LDAF1: variants seen among roughly 807,000 people sequenced by gnomAD.
LDAF1 encodes PROMETHIN.
Under a neutral mutation model 13.5 loss-of-function variants are expected in LDAF1, and 7 were observed. The observed-to-expected ratio is 0.52, with a 90% CI of 0.29 to 0.97. LDAF1 has a LOEUF of 0.97. Ranked by LOEUF, LDAF1 falls within the 50% of genes least tolerant of loss-of-function variation. LDAF1 has a pLI of 0.07. For synonymous variants in LDAF1, 69 were observed against 77.1 expected, an observed-to-expected ratio of 0.89 and a Z score of 0.55; for missense variants, 148 against 193.2, an observed-to-expected ratio of 0.77 and a Z score of 1.39.
chr16:21,170,382 C>A, intron 2 of LDAF1, 55 bp from the exon 3 acceptor site: 1 of 1,603,952 alleles, frequency 6.2e-7, no homozygotes, highest in South Asian at 1.1e-5. Context: ...CAGATTCATT[C>A]AACCTGGGGT....
In LDAF1 at chr16:21,179,628, G is replaced by A; in HGVS notation, c.*72G>A. On this transcript the variant is annotated 3_prime_UTR_variant, in exon 5 of 5. Coordinates refer to ENST00000233047, the MANE Select transcript of LDAF1 (RefSeq NM_001301771.2). ...ACTCACCCCTTGGGATTATGGCTTA[G>A]AAGAAGGGGGCTGGGTAGGCAAGCA... 1 of 1,393,714 alleles carries A rather than the reference G, an allele frequency of 7.2e-7. No homozygotes were observed. The highest frequency in any genetic ancestry group is 1.0e-6 in the Non-Finnish European group (1 of 1,001,346). The allele number at this position is 1,393,714 out of a possible 1,614,324, so 86.3% of individuals were successfully genotyped here. A position where few individuals can be genotyped will look rare whatever the true frequency, so the allele number is the denominator to read the frequency against.
intron 2 of LDAF1, 192 bp from the exon 3 acceptor site, chr16:21,170,245 C>A: frequency 1.1e-6 from 1 of 950,882 alleles, no homozygotes; most frequent in Non-Finnish European, 1.3e-6. Flanking sequence ...TCAGGTGATC[C>A]GCTCGCCTTG....
chr16:21,177,619 C>CT (rs1025169859), intron 4 of LDAF1, among the ~76,000 whole-genome samples: 35,875 of 115,880 alleles, frequency 0.31, 6,315 homozygotes, highest in Non-Finnish European at 0.33. Context: ...TTAGCGAATT[C>CT]TTTTTTTTTT....
chr16:21,164,980 G>A (rs1029987879), intron 2 of LDAF1, among the ~76,000 whole-genome samples: 1 of 152,244 alleles, frequency 6.6e-6, no homozygotes, highest in Non-Finnish European at 1.5e-5. Flanking sequence ...CAGCACCTGA[G>A]TGTTTAATGA....
intron 2 of LDAF1, among the ~76,000 whole-genome samples, chr16:21,165,974 C>T (rs2093020228): frequency 6.6e-6 from 1 of 152,096 alleles, no homozygotes; most frequent in South Asian, 2.1e-4. Flanking sequence ...ATTCTCCCGC[C>T]TCAGCCTCCC....
intron 2 of LDAF1, among the ~76,000 whole-genome samples, chr16:21,168,898 TTA>T (rs1463734275): frequency 1.5e-5 from 2 of 135,672 alleles, no homozygotes; most frequent in Admixed American, 7.9e-5. Flanking sequence ...ATATTTATAT[TTA>T]TATATTTATA....
At chr16:21,179,401 T>C (rs2093164570) in intron 4 of LDAF1, 74 bp from the exon 5 acceptor site, 1 of 1,611,966 alleles carries the variant, frequency 6.2e-7, no homozygotes, top group East Asian at 2.2e-5. Context: ...CATCATGTAT[T>C]CAGCTATGCA....
chr16:21,178,419 G>A (rs2093157897), intron 4 of LDAF1: 2 of 984,228 alleles, frequency 2.0e-6, no homozygotes, highest in African/African-American at 1.7e-5. Flanking sequence ...GAATGGTTTA[G>A]GTGGCAAATA....
At chr16:21,171,429 A>G (rs2093087629) in intron 3 of LDAF1, among the ~76,000 whole-genome samples, 1 of 152,212 alleles carries the variant, frequency 6.6e-6, no homozygotes, top group Non-Finnish European at 1.5e-5. Context: ...TTGAAGGAGA[A>G]AGTAGGCATG....
chr16:21,170,244 C>A, intron 2 of LDAF1, 193 bp from the exon 3 acceptor site: 1 of 944,834 alleles, frequency 1.1e-6, no homozygotes, highest in Non-Finnish European at 1.3e-6. Context: ...CTCAGGTGAT[C>A]CGCTCGCCTT....
chr16:21,164,653 ATGT>A (rs1165067127), intron 2 of LDAF1, among the ~76,000 whole-genome samples: 2 of 152,190 alleles, frequency 1.3e-5, no homozygotes, highest in African/African-American at 2.4e-5. Flanking sequence ...GTGGCGCATA[ATGT>A]TGTCAGTCTG....
At chr16:21,164,271 TCTCA>T (rs1210295151) in intron 2 of LDAF1, among the ~76,000 whole-genome samples, 1 of 152,052 alleles carries the variant, frequency 6.6e-6, no homozygotes, top group African/African-American at 2.4e-5. Context: ...TGAGACAGAG[TCTCA>T]CTCTGTCTTC....
chr16:21,172,974 G>C (rs1338498000), intron 3 of LDAF1: 1 of 272,028 alleles, frequency 3.7e-6, no homozygotes. Context: ...CATGTTACTT[G>C]TTCTTCATGA....
intron 2 of LDAF1, among the ~76,000 whole-genome samples, chr16:21,166,070 C>T (rs2093021427): frequency 6.6e-6 from 1 of 152,050 alleles, no homozygotes; most frequent in Non-Finnish European, 1.5e-5. Flanking sequence ...CCATGTTGAC[C>T]AGGCTGGTCT....
At chr16:21,169,997 G>C (rs1428092016) in intron 2 of LDAF1, among the ~76,000 whole-genome samples, 1 of 150,830 alleles carries the variant, frequency 6.6e-6, no homozygotes, top group Non-Finnish European at 1.5e-5. Context: ...CTGTCTCCCA[G>C]GCTGGCGTGC....
chr16:21,169,232 T>G (rs2093062763), intron 2 of LDAF1: 35 of 897,918 alleles, frequency 3.9e-5, no homozygotes, highest in Non-Finnish European at 4.7e-5. Flanking sequence ...AACTTTAATG[T>G]GTATGCACGA....
At chr16:21,172,336 C>T (rs1213950154) in intron 3 of LDAF1, among the ~76,000 whole-genome samples, 1 of 151,930 alleles carries the variant, frequency 6.6e-6, no homozygotes, top group African/African-American at 2.4e-5. Context: ...ATCCCAGCTA[C>T]TTGGGAGGCT....
At chr16:21,170,697 G>A in intron 3 of LDAF1, 92 bp downstream of exon 3, 1 of 1,479,778 alleles carries the variant, frequency 6.8e-7, no homozygotes, top group African/African-American at 1.4e-5. Context: ...TAAGGGGCGG[G>A]GTCTTGTTAT....
chr16:21,169,164 A>C, intron 2 of LDAF1: 1 of 984,512 alleles, frequency 1.0e-6, no homozygotes, highest in Non-Finnish European at 1.2e-6. Context: ...TAATGCTGAG[A>C]TTTTGCAACT....
Sources: gnomAD v4.1 joint callset for allele counts (sites outside exome capture counted in the v4.1 genomes callset) on GRCh38, gnomAD v4.1.1 for gene constraint, MANE v1.5 for transcripts, NCBI Gene and HGNC (gene_info 2026-07-23, HGNC 2026-07-21) for gene names.